Variants in DONSON observed in about 807,000 individuals in gnomAD.
DONSON encodes the protein DNA replication fork stabilization factor DONSON.
In DONSON, 43 loss-of-function variants were observed where a neutral mutation model predicts 62.1. That is an observed-to-expected ratio of 0.69 (90% CI 0.54 to 0.89). The LOEUF (loss-of-function observed/expected upper bound fraction) is 0.89. Among genes scored for constraint, DONSON ranks in the 40% least tolerant of loss-of-function variants. The probability of loss-of-function intolerance (pLI) is 0.00; values close to 1 mark genes in which losing one functional copy is unlikely to be tolerated. For missense variants in DONSON, 696 were observed against 697.5 expected, an observed-to-expected ratio of 1.00 and a Z score of 0.03; for synonymous variants, 266 against 264.6, an observed-to-expected ratio of 1.01 and a Z score of -0.05.
Position 33,577,660 on chromosome 21 carries a change from CACACACACACACACACACACACACACACA to C in DONSON, c.*618_*646del, listed in dbSNP as rs1569073003. The C allele has an allele frequency of 6.5e-4, 71 of 110,004 alleles. 1 individual carries two copies. Among genetic ancestry groups the C allele is most frequent in the Middle Eastern group, 5.2e-3 (1 of 194 alleles). The allele number at this position is 110,004 out of a possible 1,614,324, so 6.8% of individuals were successfully genotyped here. ...ACACACACACACACACACACACACA[CACACACACACACACACACACACACACACA>C]CACACACACACACCCCTATAAGCAC... On this transcript the variant is annotated 3_prime_UTR_variant, in exon 10 of 10. Coordinates refer to ENST00000303071, the MANE Select transcript of DONSON (RefSeq NM_017613.4).
intron 2 of DONSON, 174 bp downstream of exon 2, chr21:33,587,329 ATCAAACCAACTCCTTTACC>A (rs1267248862): frequency 2.0e-6 from 2 of 984,224 alleles, no homozygotes; most frequent in Non-Finnish European, 2.4e-6. Context: ...TCATTACTGT[ATCAAACCAACTCCTTTACC>A]TTGGCTGATG....
chr21:33,587,776 G>C (rs1029097293), intron 1 of DONSON, among the ~76,000 whole-genome samples, 174 bp from the exon 2 acceptor site: 2 of 152,162 alleles, frequency 1.3e-5, no homozygotes, highest in African/African-American at 2.4e-5. Context: ...CTGAACTTTA[G>C]TATCAAAATT....
chr21:33,581,247 T>C, intron 8 of DONSON, 55 bp downstream of exon 8: 4 of 1,497,720 alleles, frequency 2.7e-6, no homozygotes, highest in Non-Finnish European at 3.6e-6. Flanking sequence ...ATCAAGAATT[T>C]ATCCTATCAA....
Position 33,579,556 on chromosome 21 carries a change from TC to T in DONSON, c.1356del (p.Ser453ValfsTer2). 1 of 1,610,100 alleles carries T rather than the reference TC, an allele frequency of 6.2e-7. No individual in the cohort carries two copies. The highest frequency in any genetic ancestry group is 8.5e-7 in the Non-Finnish European group (1 of 1,177,626). Reference protein sequence around the residue: ...RGATMQMLKARSVNVKTQALS... With the variant: ...RGATMQMLKAXSVNVKTQALS... ...AGAGCTTGTGTCTTCACATTCACAC[TC>T]CGTGCCTTCATGAAAATGTAAAGAA... On this transcript the variant is annotated frameshift_variant, in exon 9 of 10. Transcript: ENST00000303071. LOFTEE classifies it high-confidence loss of function.
intron 5 of DONSON, among the ~76,000 whole-genome samples, chr21:33,582,620 G>C (rs1262148282): frequency 5.9e-5 from 9 of 152,168 alleles, no homozygotes; most frequent in Admixed American, 5.9e-4. Flanking sequence ...AGTATATTCA[G>C]ATAGTGACTA....
chr21:33,587,561 C>T lies in DONSON; in HGVS notation c.363G>A (p.Glu121=), dbSNP rs1180633934. The T allele has an allele frequency of 6.3e-7, 1 of 1,599,348 alleles. No individual in the cohort carries two copies. Among genetic ancestry groups the T allele is most frequent in the Non-Finnish European group, 8.5e-7 (1 of 1,175,344 alleles). Residue 121 remains glutamate, a synonymous_variant, in exon 2 of 10, where the codon GAG becomes GAA. Transcript: ENST00000303071. Reference sequence around the variant, plus strand: ...TAACAGTTGTTCTTTCAGGAAACTTCTCTTCCCATAGCAAATCATTTTCTT... The same window carrying T: ...TAACAGTTGTTCTTTCAGGAAACTTTTCTTCCCATAGCAAATCATTTTCTT... ...SNQENDLLWE[E]KFPERTTVTE...
chr21:33,579,713 T>A, intron 8 of DONSON, 151 bp from the exon 9 acceptor site: 2 of 617,662 alleles, frequency 3.2e-6, no homozygotes, highest in Non-Finnish European at 5.6e-6. Flanking sequence ...AACAATGTTA[T>A]GTGAGTACAA....
intron 8 of DONSON, among the ~76,000 whole-genome samples, chr21:33,579,772 T>G (rs937280621): frequency 6.6e-6 from 1 of 152,214 alleles, no homozygotes; most frequent in South Asian, 2.1e-4. Flanking sequence ...GATTTTCAGG[T>G]GAAGTATATT....
intron 2 of DONSON, among the ~76,000 whole-genome samples, chr21:33,586,875 T>C (rs1601318317): frequency 6.6e-6 from 1 of 152,148 alleles, no homozygotes; most frequent in Non-Finnish European, 1.5e-5. Flanking sequence ...TGACCTCAGG[T>C]GTGATCCGCC....
At chr21:33,587,275 C>G (rs549032270) in intron 2 of DONSON, 1 of 790,814 alleles carries the variant, frequency 1.3e-6, no homozygotes, top group South Asian at 5.8e-5. Context: ...AGAAAACCCC[C>G]ACGTCTATCA....
At chr21:33,586,697 G>T (rs1274023297) in intron 2 of DONSON, among the ~76,000 whole-genome samples, 1 of 149,576 alleles carries the variant, frequency 6.7e-6, no homozygotes, top group Admixed American at 6.6e-5. Context: ...GAAGTGGTGT[G>T]ATCTCGGCTC....
chr21:33,588,460 G>A lies in DONSON; in HGVS notation c.182C>T (p.Ala61Val), dbSNP rs2086608069. The A allele has an allele frequency of 7.7e-7, 1 of 1,300,602 alleles. No homozygotes were observed. Among genetic ancestry groups the A allele is most frequent in the South Asian group, 2.4e-5 (1 of 42,234 alleles). 80.6% of individuals were successfully genotyped at this position (1,300,602 alleles called of 1,614,324 possible). A position where few individuals can be genotyped will look rare whatever the true frequency, so the allele number is the denominator to read the frequency against. The stretch of plus-strand genomic sequence containing the variant: ...GCCGCTGCCACCGCCTCTGCCCCCC[G>A]CAGCAGGGAAAGGGCGAAGAGGCAG... Reference protein sequence around the residue: ...AGLPLRPFPAAGGRGGGSGGG... With the variant: ...AGLPLRPFPAVGGRGGGSGGG... The change falls in exon 1 of 10, where the codon GCG becomes GTG. Residue 61 changes from alanine (A) to valine (V), a missense_variant. Physicochemically the swap from Ala to Val is moderately conservative, Grantham distance 64. Coordinates refer to ENST00000303071, the MANE Select transcript of DONSON (RefSeq NM_017613.4).
chr21:33,582,924 G>A (rs941673124), intron 5 of DONSON, among the ~76,000 whole-genome samples: 15 of 152,136 alleles, frequency 9.9e-5, no homozygotes, highest in South Asian at 6.2e-4. Flanking sequence ...GATCTTGTCC[G>A]GGCGCGGTGG....
At position 33,586,098 on chromosome 21, in the gene DONSON, T is replaced by C. The variant is rs2086574262; in HGVS notation, c.486A>G (p.Arg162=). The change falls in exon 3 of 10, where the codon CGA becomes CGG. Residue 162 remains arginine, a synonymous_variant. Transcript: ENST00000303071. The stretch of plus-strand genomic sequence containing the variant: ...AGGGTTGAGAAGAGGTGAAAAGGAG[T>C]CGCGTTTTAATACTCCAGTCCACAG... The part of the protein sequence containing the change: ...ELPVDWSIKT[R]LLFTSSQPFT... 1 of 1,614,020 alleles carries C rather than the reference T, an allele frequency of 6.2e-7. No homozygotes were observed. The highest frequency in any genetic ancestry group is 1.3e-5 in the African/African-American group (1 of 74,988).
chr21:33,584,527 T>G, intron 4 of DONSON, 63 bp downstream of exon 4: 3 of 1,434,254 alleles, frequency 2.1e-6, no homozygotes, highest in Non-Finnish European at 2.8e-6. Flanking sequence ...ACAAATATGA[T>G]AGAGAATGCT....
rs565144365 is a variant in DONSON at position 33,577,733 on chromosome 21, G to A, written c.*574C>T. ...TAAGCACATTAAATACTACTTTGCC[G>A]TGACAGCTCAGTGTACTTCACAATT... On this transcript the variant is annotated 3_prime_UTR_variant, in exon 10 of 10. Transcript: ENST00000303071. The A allele has an allele frequency of 6.0e-5, 9 of 148,922 alleles. No individual in the cohort carries two copies. Among genetic ancestry groups the A allele is most frequent in the Non-Finnish European group, 8.8e-5 (6 of 68,028 alleles). The allele number at this position is 148,922 out of a possible 1,614,324, so 9.2% of individuals were successfully genotyped here.
Position 33,582,162 on chromosome 21 carries a change from T to C in DONSON, c.1046+3A>G. ...ATGATATAAAGTTATTTTAATCACA[T>C]ACTCCCCATATCCCAAGCTTGTTCC... is the stretch of plus-strand genomic sequence containing the variant. On this transcript the variant is annotated splice_donor_region_variant and intron_variant, in intron 6 of 9. Transcript: ENST00000303071. The C allele has an allele frequency of 3.1e-6, 5 of 1,613,720 alleles. No homozygotes were observed. The highest frequency in any genetic ancestry group is 4.2e-6 in the Non-Finnish European group (5 of 1,179,636).
chr21:33,588,440 T>C lies in DONSON; in HGVS notation c.202A>G (p.Ser68Gly), dbSNP rs1601320207. ...FPAAGGRGGG[S>G]GGGPAAARRN... The stretch of plus-strand genomic sequence containing the variant: ...CGAGCAGCGGCCGGGCCGCCGCCGC[T>C]GCCACCGCCTCTGCCCCCCGCAGCA... Residue 68 changes from serine to glycine, a missense_variant, in exon 1 of 10, where the codon AGC becomes GGC. Physicochemically the swap from Ser to Gly is moderately conservative, Grantham distance 56. Transcript: ENST00000303071. 1 of 1,310,036 alleles carries C rather than the reference T, an allele frequency of 7.6e-7. No homozygotes were observed. 81.2% of individuals were successfully genotyped at this position (1,310,036 alleles called of 1,614,324 possible).
intron 9 of DONSON, 148 bp from the exon 10 acceptor site, chr21:33,578,592 T>C (rs1184368323): frequency 4.5e-6 from 4 of 885,070 alleles, no homozygotes; most frequent in Non-Finnish European, 6.3e-6. Flanking sequence ...ATTTTTGTAG[T>C]GACAAAATCC....
Sources: allele counts gnomAD v4.1 joint callset (sites outside exome capture counted in the v4.1 genomes callset), GRCh38; gene constraint gnomAD v4.1.1; transcripts MANE v1.5; gene names NCBI Gene and HGNC (gene_info 2026-07-23, HGNC 2026-07-21).